The following GNAZ variants were observed in gnomAD, a reference collection of about 807,000 sequenced individuals.
The protein encoded by GNAZ is guanine nucleotide-binding protein G(z) subunit alpha.
GNAZ carries 3 observed loss-of-function variants against 25.4 expected under a neutral mutation model. The observed-to-expected ratio is 0.12, with a 90% CI of 0.05 to 0.30. GNAZ has a LOEUF of 0.30. Ranked by LOEUF, GNAZ falls within the 10% of genes least tolerant of loss-of-function variation. GNAZ has a pLI of 1.00. For missense variants in GNAZ, 241 were observed against 501.8 expected (o/e 0.48, Z 4.97); for synonymous variants, 211 against 205.7 (o/e 1.03, Z -0.22).
intron 2 of GNAZ, among the ~76,000 whole-genome samples, chr22:23,104,892 C>T (rs1382340940): frequency 6.6e-6 from 1 of 152,322 alleles, no homozygotes; most frequent in East Asian, 1.9e-4. Context: ...GGTGCATGGC[C>T]CTGGGCATCT....
chr22:23,121,310 C>G (rs1243011708), intron 2 of GNAZ, among the ~76,000 whole-genome samples: 1 of 152,188 alleles, frequency 6.6e-6, no homozygotes, highest in East Asian at 1.9e-4. Flanking sequence ...AGGGTAATGA[C>G]GGGTACCTCT....
At position 23,096,028 on chromosome 22, in the gene GNAZ, G is replaced by T; in HGVS notation, c.333G>T (p.Thr111=). The change falls in exon 2 of 3, where the codon ACG becomes ACT. Residue 111 remains threonine, a synonymous_variant. Coordinates refer to ENST00000615612, the MANE Select transcript of GNAZ (RefSeq NM_002073.4). ...AYDAVQLFAL[T]GPAESKGEIT... is the part of the protein sequence containing the mutation. ...ACGCTGTGCAGCTCTTTGCGCTGAC[G>T]GGCCCCGCTGAGAGCAAGGGCGAGA... is the stretch of plus-strand genomic sequence containing the variant. The T allele has an allele frequency of 6.2e-7, 1 of 1,606,868 alleles. No homozygotes were observed. Among genetic ancestry groups the T allele is most frequent in the Non-Finnish European group, 8.5e-7 (1 of 1,179,928 alleles).
At position 23,095,962 on chromosome 22, in the gene GNAZ, C is replaced by T. The variant is rs147146353; in HGVS notation, c.267C>T (p.Ala89=). ...TGACCCGCATCATCCGGGCCCTGGC[C>T]GCCCTCAGGATCGACTTCCACAACC... ...DSLTRIIRAL[A]ALRIDFHNPD... Residue 89 remains alanine (A), a synonymous_variant, in exon 2 of 3, where the codon GCC becomes GCT. Coordinates refer to ENST00000615612, the MANE Select transcript of GNAZ (RefSeq NM_002073.4). 27 of 1,611,916 alleles carry T rather than the reference C, an allele frequency of 1.7e-5. No individual in the cohort carries two copies. The African/African-American group carries it at 2.1e-4, about 13-fold the overall frequency.
chr22:23,097,309 C>G (rs2087429362), intron 2 of GNAZ, among the ~76,000 whole-genome samples: 1 of 152,222 alleles, frequency 6.6e-6, no homozygotes, highest in African/African-American at 2.4e-5. Context: ...TTGCTTCACC[C>G]AGTCCTAAGG....
chr22:23,073,798 G>T (rs1409635752), intron 1 of GNAZ, among the ~76,000 whole-genome samples: 1 of 152,196 alleles, frequency 6.6e-6, no homozygotes, highest in Non-Finnish European at 1.5e-5. Flanking sequence ...ACTGTGCCAG[G>T]TGCAGGGGTA....
intron 1 of GNAZ, among the ~76,000 whole-genome samples, chr22:23,076,426 C>T (rs917074037): frequency 2.6e-5 from 4 of 152,284 alleles, no homozygotes; most frequent in East Asian, 1.9e-4. Context: ...GCTGTGTGCT[C>T]GTGCGCTGCA....
chr22:23,123,284 G>C lies in GNAZ; in HGVS notation c.921G>C (p.Gln307His), dbSNP rs200744011. The change falls in exon 3 of 3, where the codon CAG becomes CAC. Residue 307 changes from glutamine (Q) to histidine (H), a missense_variant. Coordinates refer to ENST00000615612, the MANE Select transcript of GNAZ (RefSeq NM_002073.4). ...AGGCCGCTGTCTACATCCAGCGGCAGTTTGAAGACCTGAACCGCAACAAGG... is the reference window on the plus strand; with the variant it reads ...AGGCCGCTGTCTACATCCAGCGGCACTTTGAAGACCTGAACCGCAACAAGG... Reference protein sequence around the residue: ...YEEAAVYIQRQFEDLNRNKET... With the variant: ...YEEAAVYIQRHFEDLNRNKET... 6 of 1,614,158 alleles carry C rather than the reference G, an allele frequency of 3.7e-6. No individual in the cohort carries two copies. The highest frequency in any genetic ancestry group is 2.2e-5 in the East Asian group (1 of 44,882).
chr22:23,106,402 G>A (rs529856358), intron 2 of GNAZ, among the ~76,000 whole-genome samples: 4 of 152,358 alleles, frequency 2.6e-5, no homozygotes, highest in South Asian at 2.1e-4. Flanking sequence ...AAGCCCAGCT[G>A]AGGCATGAGA....
rs117884095 is a variant in GNAZ at position 23,083,891 on chromosome 22, A to G, written c.-449-11356A>G. On this transcript the variant is annotated intron_variant, in intron 1 of 2. Transcript: ENST00000615612. ...CAGGGATCCTGATGCTGCAGTAGTC[A>G]GGGGTCCTCATCAGAGAAGGAGGTT... is the stretch of plus-strand genomic sequence containing the variant. Among the ~76,000 whole-genome samples the G allele has an allele frequency of 4.9e-3, 741 of 152,326 alleles. 17 individuals are homozygous for G. Among genetic ancestry groups the G allele is most frequent in the Admixed American group, 0.03 (452 of 15,304 alleles).
chr22:23,089,252 C>T (rs547343627), intron 1 of GNAZ, among the ~76,000 whole-genome samples: 15 of 152,336 alleles, frequency 9.8e-5, no homozygotes, highest in African/African-American at 3.6e-4. Context: ...GTGACCTTGG[C>T]TGTGGGCTGT....
chr22:23,123,665 A>G lies in GNAZ; in HGVS notation c.*234A>G. On this transcript the variant is annotated 3_prime_UTR_variant, in exon 3 of 3. Transcript: ENST00000615612. ...CACACACACATCTGGAGATGGCAAA[A>G]TCCTCTAAAATGTCGAGGTCTCTTG... 3 of 548,238 alleles carry G rather than the reference A, an allele frequency of 5.5e-6. No homozygotes were observed. The South Asian group carries it at 7.1e-5, about 13-fold the overall frequency. 34.0% of individuals were successfully genotyped at this position (548,238 alleles called of 1,614,324 possible). A position where few individuals can be genotyped will look rare whatever the true frequency, so the allele number is the denominator to read the frequency against.
chr22:23,114,887 G>A (rs1322488424), intron 2 of GNAZ, among the ~76,000 whole-genome samples: 1 of 152,204 alleles, frequency 6.6e-6, no homozygotes, highest in Non-Finnish European at 1.5e-5. Context: ...CACCTGGAGA[G>A]CCTCTGCCCA....
chr22:23,108,208 A>T (rs969488459), intron 2 of GNAZ, among the ~76,000 whole-genome samples: 1 of 152,256 alleles, frequency 6.6e-6, no homozygotes, highest in African/African-American at 2.4e-5. Flanking sequence ...AGCATGTGCC[A>T]TCTGGCCTTG....
At position 23,096,244 on chromosome 22, in the gene GNAZ, G is replaced by A. The variant is rs114515939; in HGVS notation, c.549G>A (p.Thr183=). The change falls in exon 2 of 3, where the codon ACG becomes ACA. Residue 183 remains threonine, a synonymous_variant. Transcript: ENST00000615612. ...EDILRSRDMT[T]GIVENKFTFK... is the part of the protein sequence containing the mutation. ...TCCTGCGCTCCCGGGACATGACCAC[G>A]GGCATTGTGGAGAACAAGTTCACCT... is the stretch of plus-strand genomic sequence containing the variant. 29 of 1,613,846 alleles carry A rather than the reference G, an allele frequency of 1.8e-5. No homozygotes were observed. In the African/African-American group the frequency reaches 2.5e-4, roughly 14 times the overall value.
At chr22:23,117,506 C>T (rs1244442882) in intron 2 of GNAZ, among the ~76,000 whole-genome samples, 1 of 152,216 alleles carries the variant, frequency 6.6e-6, no homozygotes, top group Admixed American at 6.5e-5. Context: ...GGTAGCCTTC[C>T]CTCAGCTGCC....
At chr22:23,094,315 G>A (rs531109426) in intron 1 of GNAZ, among the ~76,000 whole-genome samples, 2 of 152,242 alleles carry the variant, frequency 1.3e-5, no homozygotes, top group Non-Finnish European at 2.9e-5. Context: ...CCTCGTGTGG[G>A]GAGGCCTGGC....
intron 2 of GNAZ, among the ~76,000 whole-genome samples, chr22:23,104,408 C>A (rs1484645027): frequency 6.6e-6 from 1 of 152,150 alleles, no homozygotes; most frequent in Non-Finnish European, 1.5e-5. Flanking sequence ...CACAATGATA[C>A]CCTGTCTGAA....
chr22:23,083,521 CG>C (rs2068734559), intron 1 of GNAZ, among the ~76,000 whole-genome samples: 2 of 152,234 alleles, frequency 1.3e-5, no homozygotes, highest in South Asian at 4.1e-4. Context: ...ATCTGTTCTG[CG>C]AATCTTTCAC....
At chr22:23,089,529 G>A (rs1195749024) in intron 1 of GNAZ, among the ~76,000 whole-genome samples, 6 of 152,178 alleles carry the variant, frequency 3.9e-5, no homozygotes, top group Non-Finnish European at 4.4e-5. Context: ...CATCCAGGAT[G>A]CAAAGGTCCC....
Sources: allele counts gnomAD v4.1 joint callset (sites outside exome capture counted in the v4.1 genomes callset), GRCh38; gene constraint gnomAD v4.1.1; transcripts MANE v1.5; gene names NCBI Gene and HGNC (gene_info 2026-07-23, HGNC 2026-07-21).